Variants in FBXO42 observed in about 807,000 individuals in gnomAD.
The protein encoded by FBXO42 is F-box only protein 42.
In FBXO42, 12 loss-of-function variants were observed where a neutral mutation model predicts 71.7. The observed-to-expected ratio is 0.17, with a 90% CI of 0.11 to 0.27. The LOEUF is 0.27. Among genes scored for constraint, FBXO42 ranks in the 10% least tolerant of loss-of-function variants. FBXO42 has a pLI of 1.00. For missense variants in FBXO42, 707 were observed against 911.9 expected (o/e 0.78, Z 2.89); for synonymous variants, 325 against 327.5 (o/e 0.99, Z 0.08).
At chr1:16,267,723 T>G (rs2081794217) in intron 4 of FBXO42, among the ~76,000 whole-genome samples, 1 of 152,220 alleles carries the variant, frequency 6.6e-6, no homozygotes, top group South Asian at 2.1e-4. Context: ...TTCACTGGTA[T>G]TAGACAAAAC....
chr1:16,340,342 G>A (rs1373534293), intron 1 of FBXO42, among the ~76,000 whole-genome samples: 1 of 151,530 alleles, frequency 6.6e-6, no homozygotes, highest in Non-Finnish European at 1.5e-5. Context: ...TTTTGAGACG[G>A]AGTTTCACTC....
At chr1:16,315,912 T>C (rs2082358510) in intron 1 of FBXO42, among the ~76,000 whole-genome samples, 1 of 152,126 alleles carries the variant, frequency 6.6e-6, no homozygotes, top group Admixed American at 6.6e-5. Context: ...GGCTCAAACC[T>C]GTAATCCCAG....
chr1:16,263,911 A>T (rs1424222170), intron 4 of FBXO42, among the ~76,000 whole-genome samples: 1 of 150,686 alleles, frequency 6.6e-6, no homozygotes, highest in Non-Finnish European at 1.5e-5. Flanking sequence ...CCCAGGTTCA[A>T]GCGATTCTCC....
chr1:16,249,401 C>G lies in FBXO42; in HGVS notation c.*1269G>C, dbSNP rs2081567824. 1 of 152,054 alleles carries G rather than the reference C, an allele frequency of 6.6e-6. No individual in the cohort carries two copies. Among genetic ancestry groups the G allele is most frequent in the South Asian group, 2.1e-4 (1 of 4,826 alleles). The allele number at this position is 152,054 out of a possible 1,614,324, so 9.4% of individuals were successfully genotyped here. On this transcript the variant is annotated 3_prime_UTR_variant, in exon 10 of 10. Coordinates refer to ENST00000375592, the MANE Select transcript of FBXO42 (RefSeq NM_018994.3). ...TGAGGTCAGCCATGCGTCAAGAAGT[C>G]AAGTACATGATTCTCAACTCCATCA...
rs1054875511 is a variant in FBXO42, at chr1:16,345,624, C to T, written c.-18+6631G>A. ...CAGCACTTTGGGAGGCCGAGGCAGG[C>T]GGATCACAAGGTCAGGAGATCGAGA... On this transcript the variant is annotated intron_variant, in intron 1 of 9. Transcript: ENST00000375592. Among the ~76,000 whole-genome samples, 42 of 151,570 alleles carry T rather than the reference C, an allele frequency of 2.8e-4. 1 individual carries two copies. The highest frequency in any genetic ancestry group is 3.4e-3 in the Middle Eastern group (1 of 290).
At chr1:16,344,278 A>C (rs1480764388) in intron 1 of FBXO42, among the ~76,000 whole-genome samples, 1 of 150,172 alleles carries the variant, frequency 6.7e-6, no homozygotes, top group Non-Finnish European at 1.5e-5. Flanking sequence ...GATTACTTTA[A>C]GTTAGCTTCA....
intron 4 of FBXO42, among the ~76,000 whole-genome samples, chr1:16,278,881 C>T (rs959792501): frequency 3.3e-5 from 5 of 152,074 alleles, no homozygotes; most frequent in African/African-American, 7.2e-5. Flanking sequence ...TGGGTTCAAC[C>T]GATTCTCCTG....
chr1:16,309,186 G>A (rs1398108390), intron 2 of FBXO42, among the ~76,000 whole-genome samples: 2 of 143,684 alleles, frequency 1.4e-5, no homozygotes, highest in African/African-American at 5.2e-5. Context: ...TCCTGCCTCA[G>A]ACTTCCAAGT....
At chr1:16,343,614 G>A (rs2082627096) in intron 1 of FBXO42, among the ~76,000 whole-genome samples, 4 of 152,030 alleles carry the variant, frequency 2.6e-5, no homozygotes, top group Admixed American at 2.6e-4. Flanking sequence ...ACGAGGTCAG[G>A]AGTTCAAGAC....
chr1:16,313,736 TTC>T (rs1251363215), intron 2 of FBXO42, among the ~76,000 whole-genome samples: 3 of 152,186 alleles, frequency 2.0e-5, no homozygotes, highest in Admixed American at 6.6e-5. Flanking sequence ...CTAAAGATTG[TTC>T]TCTGTTATAT....
intron 1 of FBXO42, among the ~76,000 whole-genome samples, chr1:16,348,616 G>A (rs954288178): frequency 1.2e-4 from 18 of 152,212 alleles, no homozygotes; most frequent in African/African-American, 4.1e-4. Context: ...CAGGAGAATC[G>A]CTGGAACCCG....
In FBXO42 at chr1:16,252,110, C is replaced by G. The variant is rs2081598343; in HGVS notation, c.1038+178G>C. On this transcript the variant is annotated intron_variant, in intron 9 of 9. Coordinates refer to ENST00000375592, the MANE Select transcript of FBXO42 (RefSeq NM_018994.3). The surrounding 1 kb of genome is among the most constrained non-coding windows in gnomAD (Gnocchi z 4.4). The stretch of plus-strand genomic sequence containing the variant: ...TGGGACTTACTGAATGAGTAGGGCC[C>G]CTGTAAGTTTTCCCATTTAGTGAGA... 1.3e-5 allele frequency among the ~76,000 whole-genome samples: 2 copies of G among 152,076 alleles called. No individual in the cohort carries two copies. Among genetic ancestry groups the G allele is most frequent in the African/African-American group, 4.8e-5 (2 of 41,394 alleles).
chr1:16,315,094 AAC>A lies in FBXO42; in HGVS notation c.250+73_250+74del, dbSNP rs367840443. The A allele has an allele frequency of 1.2e-4, 184 of 1,505,358 alleles. No individual in the cohort carries two copies. The African/African-American group carries it at 2.4e-3, about 20-fold the overall frequency. 93.3% of individuals were successfully genotyped at this position (1,505,358 alleles called of 1,614,324 possible). A position where few individuals can be genotyped will look rare whatever the true frequency, so the allele number is the denominator to read the frequency against. On this transcript the variant is annotated intron_variant, in intron 2 of 9. Coordinates refer to ENST00000375592, the MANE Select transcript of FBXO42 (RefSeq NM_018994.3). ...CATAATACATTTAAGGGAGGAAAAA[AAC>A]TAAATTTGGAGTCTAAAAATAAATC...
chr1:16,257,391 C>T (rs1309297052), intron 4 of FBXO42, among the ~76,000 whole-genome samples: 1 of 152,134 alleles, frequency 6.6e-6, no homozygotes, highest in Admixed American at 6.6e-5. Flanking sequence ...TGGGGCAGAC[C>T]TTCAAGGATT....
At chr1:16,336,475 A>G (rs1188190242) in intron 1 of FBXO42, among the ~76,000 whole-genome samples, 2 of 151,478 alleles carry the variant, frequency 1.3e-5, no homozygotes, top group Non-Finnish European at 2.9e-5. Flanking sequence ...TCTTTGCCTC[A>G]GCCTCCTGAG....
chr1:16,299,017 A>T (rs2983159), intron 3 of FBXO42, among the ~76,000 whole-genome samples: 114,715 of 151,948 alleles, frequency 0.75, 43,637 homozygotes, highest in East Asian at 0.86. Context: ...TTTCCTTTTT[A>T]ATTTTTTTTC....
intron 1 of FBXO42, among the ~76,000 whole-genome samples, chr1:16,350,743 CA>C (rs143818159): frequency 0.076 from 4,961 of 65,686 alleles, 188 homozygotes; most frequent in Non-Finnish European, 0.095. Flanking sequence ...TGAGAAACTG[CA>C]AAAAAAAAAA....
At chr1:16,340,176 C>CA (rs545615304) in intron 1 of FBXO42, among the ~76,000 whole-genome samples, 64 of 137,480 alleles carry the variant, frequency 4.7e-4, no homozygotes, top group Middle Eastern at 3.6e-3. Flanking sequence ...ACTCCAGTCT[C>CA]AAAAAAAAAA....
intron 4 of FBXO42, among the ~76,000 whole-genome samples, chr1:16,270,755 C>G (rs1177387270): frequency 6.9e-5 from 9 of 129,806 alleles, no homozygotes; most frequent in Non-Finnish European, 1.3e-4. Flanking sequence ...ATGAGATACA[C>G]ACACACACAC....
Sources: gnomAD v4.1 joint callset for allele counts (sites outside exome capture counted in the v4.1 genomes callset) on GRCh38, gnomAD v4.1.1 for gene constraint, Gnocchi (gnomAD v3.1) non-coding constraint, MANE v1.5 for transcripts, NCBI Gene and HGNC (gene_info 2026-07-23, HGNC 2026-07-21) for gene names.